The following NLGN1 variants were observed in gnomAD, a reference collection of about 807,000 sequenced individuals.
NLGN1 encodes neuroligin 1.
A neutral mutation model predicts 65.5 loss-of-function variants in NLGN1; 12 were observed. The ratio of observed to expected loss-of-function variants is 0.18; its 90% CI spans 0.12 to 0.30. The LOEUF is 0.30. Among genes scored for constraint, NLGN1 ranks in the 10% least tolerant of loss-of-function variants. The probability of loss-of-function intolerance (pLI) is 1.00; values close to 1 mark genes in which losing one functional copy is unlikely to be tolerated. For missense variants in NLGN1, 750 were observed against 1,007.1 expected (o/e 0.74, Z 3.46); for synonymous variants, 350 against 359.5 (o/e 0.97, Z 0.30).
At position 173,807,717 on chromosome 3, in the gene NLGN1, G is replaced by A. The variant is rs75838911; in HGVS notation, c.531G>A (p.Val177=). ...GTGGGGGTCCCAAACCAGTGATGGT[G>A]TATATCCATGGTGGCTCATATATGG... is the stretch of plus-strand genomic sequence containing the variant. The change falls in exon 4 of 7, where the codon GTG becomes GTA. Residue 177 remains valine, a synonymous_variant. Coordinates refer to ENST00000457714, the Ensembl canonical transcript of NLGN1. The A allele has an allele frequency of 7.8e-4, 1,266 of 1,613,706 alleles. 17 individuals are homozygous for A. The African/African-American group carries it at 0.014, about 18-fold the overall frequency.
chr3:173,979,376 A>T (rs1005628279), intron 4 of NLGN1, among the ~76,000 whole-genome samples: 13 of 152,156 alleles, frequency 8.5e-5, no homozygotes, highest in African/African-American at 3.1e-4. Context: ...ACATAAAATG[A>T]AGTATTAATA....
At chr3:173,592,711 G>A (rs776100268) in intron 2 of NLGN1, among the ~76,000 whole-genome samples, 1 of 152,078 alleles carries the variant, frequency 6.6e-6, no homozygotes, top group Admixed American at 6.5e-5. Flanking sequence ...ATTTTCTGAG[G>A]ACTTACAATG....
chr3:173,545,297 C>T (rs571008708), intron 2 of NLGN1, among the ~76,000 whole-genome samples: 1 of 151,998 alleles, frequency 6.6e-6, no homozygotes, highest in Admixed American at 6.6e-5. Context: ...TGGTCTCAAA[C>T]CGCTGACCTC....
chr3:174,076,716 AGAGAGAGAGTGTGTGTGTGTGT>A (rs1317875954), intron 4 of NLGN1, among the ~76,000 whole-genome samples: 2 of 130,318 alleles, frequency 1.5e-5, no homozygotes, highest in East Asian at 4.1e-4. Flanking sequence ...AGAGAGAGAG[AGAGAGAGAGTGTGTGTGTGTGT>A]GTGTGTGTGT....
At chr3:173,609,992 A>G (rs1391688280) in intron 3 of NLGN1, among the ~76,000 whole-genome samples, 1 of 151,886 alleles carries the variant, frequency 6.6e-6, no homozygotes, top group South Asian at 2.1e-4. Context: ...AGAGAGAGAG[A>G]CAGAATAATC....
chr3:173,660,656 C>T (rs1054201722), intron 3 of NLGN1, among the ~76,000 whole-genome samples: 3 of 151,836 alleles, frequency 2.0e-5, no homozygotes, highest in Non-Finnish European at 4.4e-5. Context: ...CAAACAATTA[C>T]ATGGGACAAA....
At chr3:174,264,030 G>A (rs1747496249) in intron 4 of NLGN1, among the ~76,000 whole-genome samples, 4 of 150,692 alleles carry the variant, frequency 2.7e-5, no homozygotes, top group Admixed American at 2.6e-4. Flanking sequence ...CTTCTGGCTT[G>A]TAGGGTTTCT....
intron 4 of NLGN1, among the ~76,000 whole-genome samples, chr3:174,251,736 A>G (rs1744800914): frequency 6.6e-6 from 1 of 152,244 alleles, no homozygotes; most frequent in Non-Finnish European, 1.5e-5. Context: ...ATCAACAAAT[A>G]TCCATCTACA....
At chr3:173,875,968 A>C (rs1578926895) in intron 4 of NLGN1, among the ~76,000 whole-genome samples, 1 of 152,320 alleles carries the variant, frequency 6.6e-6, no homozygotes, top group Middle Eastern at 3.4e-3. Flanking sequence ...TAAGAGTTTT[A>C]AAAGCTTAAC....
chr3:174,277,893 T>C lies in NLGN1; in HGVS notation c.860-968T>C, dbSNP rs556538634. Among the ~76,000 whole-genome samples the C allele has an allele frequency of 9.7e-4, 148 of 151,920 alleles. 1 individual carries two copies. The highest frequency in any genetic ancestry group is 1.5e-3 in the Non-Finnish European group (103 of 67,912). On this transcript the variant is annotated intron_variant, in intron 5 of 6. Coordinates refer to ENST00000457714, the Ensembl canonical transcript of NLGN1. Reference sequence around the variant, plus strand: ...TAAATAACTGAAGCACAAAGCTGTATTTGGAAATTGATAAAATTGATAATA... The same window carrying C: ...TAAATAACTGAAGCACAAAGCTGTACTTGGAAATTGATAAAATTGATAATA...
At chr3:173,540,616 C>A (rs73045432) in intron 2 of NLGN1, among the ~76,000 whole-genome samples, 4,192 of 152,194 alleles carry the variant, frequency 0.028, 174 homozygotes, top group African/African-American at 0.091. Flanking sequence ...AAATCTTAAG[C>A]AGGGCCAGGA....
At chr3:174,239,096 G>A (rs1244706911) in intron 4 of NLGN1, among the ~76,000 whole-genome samples, 3 of 151,164 alleles carry the variant, frequency 2.0e-5, no homozygotes, top group Non-Finnish European at 4.4e-5. Flanking sequence ...TTTTGATAGA[G>A]TTTTACTCTT....
intron 2 of NLGN1, among the ~76,000 whole-genome samples, chr3:173,559,580 C>A (rs751665639): frequency 2.6e-5 from 4 of 152,152 alleles, no homozygotes; most frequent in African/African-American, 4.8e-5. Context: ...TTATTCACAT[C>A]ATGACAGTGA....
intron 3 of NLGN1, among the ~76,000 whole-genome samples, chr3:173,678,775 C>T (rs1344866929): frequency 6.6e-6 from 1 of 152,050 alleles, no homozygotes; most frequent in Non-Finnish European, 1.5e-5. Context: ...ATTTTAAAAA[C>T]TGAAAACAGA....
At chr3:174,008,140 G>C (rs1051039926) in intron 4 of NLGN1, among the ~76,000 whole-genome samples, 1 of 152,118 alleles carries the variant, frequency 6.6e-6, no homozygotes, top group Non-Finnish European at 1.5e-5. Context: ...AGCAAAGTTT[G>C]TGGTTTAGCT....
intron 4 of NLGN1, among the ~76,000 whole-genome samples, chr3:173,987,504 A>T (rs1354122023): frequency 1.3e-5 from 2 of 152,206 alleles, no homozygotes; most frequent in African/African-American, 2.4e-5. Context: ...TCTGAAAATA[A>T]TTATAATGTG....
At chr3:174,126,782 G>A (rs902740336) in intron 4 of NLGN1, among the ~76,000 whole-genome samples, 1 of 152,080 alleles carries the variant, frequency 6.6e-6, no homozygotes, top group African/African-American at 2.4e-5. Flanking sequence ...CCTTTTCCAT[G>A]TACCTAATCT....
At chr3:174,058,458 A>T (rs959870212) in intron 4 of NLGN1, among the ~76,000 whole-genome samples, 1 of 152,066 alleles carries the variant, frequency 6.6e-6, no homozygotes, top group Non-Finnish European at 1.5e-5. Flanking sequence ...GAGGGGTGCC[A>T]TGTTACAACA....
chr3:173,991,396 T>C (rs918257342), intron 4 of NLGN1, among the ~76,000 whole-genome samples: 2 of 152,168 alleles, frequency 1.3e-5, no homozygotes, highest in Non-Finnish European at 2.9e-5. Flanking sequence ...TGACAAAACA[T>C]TGTGTGACAA....
Sources: allele counts gnomAD v4.1 joint callset (sites outside exome capture counted in the v4.1 genomes callset), GRCh38; gene constraint gnomAD v4.1.1; transcripts MANE v1.5; gene names NCBI Gene and HGNC (gene_info 2026-07-23, HGNC 2026-07-21).